MROH1: variants seen among roughly 807,000 people sequenced by gnomAD.
The protein encoded by MROH1 is maestro heat-like repeat-containing protein family member 1.
Under a neutral mutation model 116.5 loss-of-function variants are expected in MROH1, and 117 were observed. The ratio of observed to expected loss-of-function variants is 1.00; its 90% CI spans 0.86 to 1.17. The LOEUF (loss-of-function observed/expected upper bound fraction) is 1.17, where lower values mean the gene tolerates loss of function less well. Ranked by LOEUF, MROH1 falls within the 50% of genes most tolerant of loss-of-function variation. MROH1 has a pLI of 0.00. For synonymous variants in MROH1, 921 were observed against 583.9 expected, an observed-to-expected ratio of 1.58 and a Z score of -8.32; for missense variants, 1,873 against 1,338.5, an observed-to-expected ratio of 1.40 and a Z score of -6.23.
In MROH1 at chr8:144,258,857, G is replaced by A; in HGVS notation, c.3872G>A (p.Gly1291Asp). ...GTACAGCGCATGGACCTGGAGGGAGGCTGGGAACTGCTCAGGACCTCGGCG... is the reference window on the plus strand; with the variant it reads ...GTACAGCGCATGGACCTGGAGGGAGACTGGGAACTGCTCAGGACCTCGGCG... ...DVVQRMDLEG[G>D]WELLRTSAGH... The change falls in exon 36 of 44, where the codon GGC becomes GAC. Residue 1291 changes from glycine to aspartate, a missense_variant. Physicochemically the swap from Gly to Asp is moderately conservative, Grantham distance 94. Transcript: ENST00000326134. The A allele has an allele frequency of 3.9e-6, 3 of 769,612 alleles. No homozygotes were observed. Among genetic ancestry groups the A allele is most frequent in the Non-Finnish European group, 7.2e-6 (3 of 414,538 alleles). 47.7% of individuals were successfully genotyped at this position (769,612 alleles called of 1,614,324 possible). A position where few individuals can be genotyped will look rare whatever the true frequency, so the allele number is the denominator to read the frequency against.
chr8:144,247,388 G>T lies in MROH1; in HGVS notation c.2959G>T (p.Ala987Ser). 1 of 770,948 alleles carries T rather than the reference G, an allele frequency of 1.3e-6. No homozygotes were observed. The allele number at this position is 770,948 out of a possible 1,614,324, so 47.8% of individuals were successfully genotyped here. A position where few individuals can be genotyped will look rare whatever the true frequency, so the allele number is the denominator to read the frequency against. ...CCTGTGGCCTGCCACCCGCCAGGAG[G>T]CCGTGGACTGTGTCTACTCCCTGCT... is the stretch of plus-strand genomic sequence containing the variant. ...ADLWPATRQE[A>S]VDCVYSLLYL... The change falls in exon 30 of 44, where the codon GCC becomes TCC. Residue 987 changes from alanine to serine, a missense_variant. Ala to Ser is a moderately conservative substitution (Grantham distance 99). Coordinates refer to ENST00000326134, the MANE Select transcript of MROH1 (RefSeq NM_032450.3).
chr8:144,256,159 C>G (rs1843723788), intron 35 of MROH1, among the ~76,000 whole-genome samples: 1 of 152,162 alleles, frequency 6.6e-6, no homozygotes, highest in Non-Finnish European at 1.5e-5. Flanking sequence ...GCCCAGGTGC[C>G]TGACATGAAG....
At chr8:144,184,040 C>T (rs538345356) in intron 7 of MROH1, among the ~76,000 whole-genome samples, 20 of 152,320 alleles carry the variant, frequency 1.3e-4, no homozygotes, top group Admixed American at 5.9e-4. Flanking sequence ...AGGAACCTTC[C>T]ACTGTGCACC....
chr8:144,245,569 T>G (rs919633996), intron 29 of MROH1, among the ~76,000 whole-genome samples: 1 of 152,252 alleles, frequency 6.6e-6, no homozygotes. Context: ...AAGCATCTAT[T>G]TGTTTTAATG....
rs944912390 is a variant in MROH1 at position 144,260,896 on chromosome 8, G to A, written c.4537-11G>A. 1.3e-5 allele frequency: 10 copies of A among 777,274 alleles called. No individual in the cohort carries two copies. The highest frequency in any genetic ancestry group is 3.4e-5 in the Admixed American group (2 of 59,006). The allele number at this position is 777,274 out of a possible 1,614,324, so 48.1% of individuals were successfully genotyped here. A position where few individuals can be genotyped will look rare whatever the true frequency, so the allele number is the denominator to read the frequency against. On this transcript the variant is annotated splice_polypyrimidine_tract_variant and intron_variant, in intron 40 of 43. Transcript: ENST00000326134. ...CTCAACTGGACTTGGCCCCAGTGCC[G>A]CATCCCTTAGGCCTGCAGGTTTGCC...
At chr8:144,200,760 T>C in intron 12 of MROH1, 2 of 541,342 alleles carry the variant, frequency 3.7e-6, no homozygotes, top group South Asian at 2.0e-5. Context: ...CACACTTGCT[T>C]TGACAGCTGG....
chr8:144,155,499 C>T (rs1817813350), intron 1 of MROH1, among the ~76,000 whole-genome samples: 1 of 152,086 alleles, frequency 6.6e-6, no homozygotes, highest in Non-Finnish European at 1.5e-5. Flanking sequence ...GTTTTTCCAA[C>T]GTGTCACAAA....
At chr8:144,183,319 T>C (rs993547145) in intron 7 of MROH1, among the ~76,000 whole-genome samples, 1 of 149,040 alleles carries the variant, frequency 6.7e-6, no homozygotes, top group African/African-American at 2.5e-5. Context: ...AAGTCGAGGC[T>C]GCAGTGAACC....
intron 14 of MROH1, among the ~76,000 whole-genome samples, chr8:144,225,447 G>A (rs1397276820): frequency 4.6e-5 from 7 of 152,072 alleles, no homozygotes; most frequent in East Asian, 1.9e-4. Flanking sequence ...GGGATTATAC[G>A]TATGGGCCTC....
chr8:144,261,551 C>G, intron 43 of MROH1, 104 bp from the exon 44 acceptor site: 1 of 696,568 alleles, frequency 1.4e-6, no homozygotes, highest in Non-Finnish European at 2.6e-6. Context: ...TTTCCGTTGG[C>G]TCCTGAGCCT....
chr8:144,260,093 G>C (rs1844721350), intron 38 of MROH1, 36 bp downstream of exon 38: 2 of 737,660 alleles, frequency 2.7e-6, no homozygotes, highest in Admixed American at 1.8e-5. Context: ...GTCCCAGGCA[G>C]CATGGGTGGG....
Position 144,250,421 on chromosome 8 carries a change from G to T in MROH1, c.3428+55G>T, listed in dbSNP as rs925395925. ...TCCCTCTGGAATGATGCTCCCCCTG[G>T]AATGATGCTCCCCGAGCCCTCCACC... On this transcript the variant is annotated intron_variant, in intron 33 of 43. Transcript: ENST00000326134. 14 of 720,816 alleles carry T rather than the reference G, an allele frequency of 1.9e-5. No individual in the cohort carries two copies. In the African/African-American group the frequency reaches 2.1e-4, roughly 11 times the overall value. The allele number at this position is 720,816 out of a possible 1,614,324, so 44.7% of individuals were successfully genotyped here.
In MROH1 at chr8:144,234,498, G is replaced by GT. The variant is rs1165164431; in HGVS notation, c.1339-4222dup. Among the ~76,000 whole-genome samples the GT allele has an allele frequency of 5.0e-4, 9 of 18,100 alleles. 3 individuals carry two copies. The highest frequency in any genetic ancestry group is 8.6e-4 in the Non-Finnish European group (7 of 8,118). The allele number at this position is 18,100 out of a possible 152,430, so 11.9% of individuals were successfully genotyped here. On this transcript the variant is annotated intron_variant, in intron 14 of 43. Coordinates refer to ENST00000326134, the MANE Select transcript of MROH1 (RefSeq NM_032450.3). ...AATGGAATTATTTTCTTTCTTTTTC[G>GT]TTTTTTTTTTTTTTTTTTTTTTTTT...
At chr8:144,148,230 A>AG (rs1815877652) in intron 1 of MROH1, among the ~76,000 whole-genome samples, 154 bp downstream of exon 1, 2 of 152,004 alleles carry the variant, frequency 1.3e-5, no homozygotes, top group African/African-American at 4.8e-5. Flanking sequence ...GAACGCTGGG[A>AG]GGGTCCTGGG....
chr8:144,253,391 C>T (rs1174663261), intron 33 of MROH1, among the ~76,000 whole-genome samples: 1 of 152,256 alleles, frequency 6.6e-6, no homozygotes, highest in Non-Finnish European at 1.5e-5. Context: ...GCTTGATGAG[C>T]TGCCAGAGGC....
At chr8:144,249,672 C>G (rs1842511091) in intron 32 of MROH1, among the ~76,000 whole-genome samples, 1 of 151,082 alleles carries the variant, frequency 6.6e-6, no homozygotes, top group East Asian at 1.9e-4. Context: ...CACCTGCTTT[C>G]TGGAGCAGCA....
At chr8:144,209,597 AAG>A (rs1414566352) in intron 12 of MROH1, among the ~76,000 whole-genome samples, 3 of 150,790 alleles carry the variant, frequency 2.0e-5, no homozygotes, top group African/African-American at 4.9e-5. Context: ...AAAAAGAAAA[AAG>A]AAAAATCGTT....
intron 1 of MROH1, among the ~76,000 whole-genome samples, chr8:144,158,259 C>T (rs1818663112): frequency 6.6e-6 from 1 of 152,076 alleles, no homozygotes; most frequent in African/African-American, 2.4e-5. Flanking sequence ...TCCCAAAGTG[C>T]TGGGATTACA....
Position 144,190,890 on chromosome 8 carries a change from C to T in MROH1, c.669C>T (p.Ala223=). Reference sequence around the variant, plus strand: ...CCTTTGCCACCGACATCTTCAGCGCCTACGATGTTCTCTTCCATCAGTGGC... The same window carrying T: ...CCTTTGCCACCGACATCTTCAGCGCTTACGATGTTCTCTTCCATCAGTGGC... ...KDAFATDIFS[A]YDVLFHQWLQ... is the part of the protein sequence containing the mutation. The change falls in exon 8 of 44, where the codon GCC becomes GCT. Residue 223 remains alanine, a synonymous_variant. Transcript: ENST00000326134. 2 of 1,613,802 alleles carry T rather than the reference C, an allele frequency of 1.2e-6. No homozygotes were observed. The highest frequency in any genetic ancestry group is 1.7e-6 in the Non-Finnish European group (2 of 1,179,892).
Sources: gnomAD v4.1 joint callset for allele counts (sites outside exome capture counted in the v4.1 genomes callset) on GRCh38, gnomAD v4.1.1 for gene constraint, MANE v1.5 for transcripts, NCBI Gene and HGNC (gene_info 2026-07-23, HGNC 2026-07-21) for gene names.